The following EXOC6B variants were observed in gnomAD, a reference collection of about 807,000 sequenced individuals.
EXOC6B encodes the protein SEC15 homolog B.
Under a neutral mutation model 113.5 loss-of-function variants are expected in EXOC6B, and 54 were observed. That is an observed-to-expected ratio of 0.48 (90% CI 0.38 to 0.60). EXOC6B has a LOEUF of 0.60. Ranked by LOEUF, EXOC6B falls within the 20% of genes least tolerant of loss-of-function variation. EXOC6B has a pLI of 0.00. For missense variants in EXOC6B, 797 were observed against 977.5 expected (o/e 0.82, Z 2.46); for synonymous variants, 357 against 339.0 (o/e 1.05, Z -0.58).
At chr2:72,684,059 G>A (rs1354348887) in intron 6 of EXOC6B, among the ~76,000 whole-genome samples, 1 of 152,112 alleles carries the variant, frequency 6.6e-6, no homozygotes, top group Non-Finnish European at 1.5e-5. Flanking sequence ...AGCCTCCCAA[G>A]TAGCTGGGAT....
Position 72,671,844 on chromosome 2 carries a change from T to G in EXOC6B, c.669+46259A>C, listed in dbSNP as rs566622283. 2.8e-4 allele frequency among the ~76,000 whole-genome samples: 23 copies of G among 80,764 alleles called. 2 individuals are homozygous for G. The highest frequency in any genetic ancestry group is 7.2e-4 in the African/African-American group (14 of 19,444). 53.0% of individuals were successfully genotyped at this position (80,764 alleles called of 152,430 possible). The stretch of plus-strand genomic sequence containing the variant: ...GAAGAGAAAAGAAAGAAGGAAAGAA[T>G]GGAGGGAGGAAGAAGGAAGGAAGAA... On this transcript the variant is annotated intron_variant, in intron 6 of 21. Transcript: ENST00000272427.
intron 5 of EXOC6B, among the ~76,000 whole-genome samples, chr2:72,726,089 T>C (rs931958189): frequency 3.9e-5 from 6 of 152,184 alleles, no homozygotes; most frequent in Admixed American, 1.3e-4. Context: ...TGAATGAATT[T>C]TGAAAACCTT....
At chr2:72,271,800 C>G (rs967214262) in intron 20 of EXOC6B, among the ~76,000 whole-genome samples, 4 of 151,986 alleles carry the variant, frequency 2.6e-5, no homozygotes, top group Admixed American at 6.6e-5. Flanking sequence ...TTGCCTTGGT[C>G]CCCGAAAGCT....
intron 20 of EXOC6B, among the ~76,000 whole-genome samples, chr2:72,275,551 C>A (rs1485443108): frequency 1.3e-5 from 2 of 152,198 alleles, no homozygotes; most frequent in South Asian, 2.1e-4. Context: ...TTATGCTTCA[C>A]ATAGACATGG....
At chr2:72,260,704 C>A (rs1369939973) in intron 20 of EXOC6B, among the ~76,000 whole-genome samples, 2 of 152,074 alleles carry the variant, frequency 1.3e-5, no homozygotes, top group Non-Finnish European at 2.9e-5. Flanking sequence ...CTTGTAATAG[C>A]CGCAATTCTT....
chr2:72,515,757 T>A lies in EXOC6B; in HGVS notation c.916-631A>T, dbSNP rs890245876. On this transcript the variant is annotated intron_variant, in intron 8 of 21. Transcript: ENST00000272427. ...ATGAGCTGTGTACTGGGTTGAATAGTGGTTTCTCCAAATTCATGTCCTTCG... is the reference window on the plus strand; with the variant it reads ...ATGAGCTGTGTACTGGGTTGAATAGAGGTTTCTCCAAATTCATGTCCTTCG... 4.1e-6 allele frequency: 4 copies of A among 984,084 alleles called. No homozygotes were observed. The East Asian group carries it at 3.4e-4, about 84-fold the overall frequency. The allele number at this position is 984,084 out of a possible 1,614,324, so 61.0% of individuals were successfully genotyped here.
chr2:72,760,517 C>A (rs77997838), intron 1 of EXOC6B: 8,266 of 153,838 alleles, frequency 0.054, 748 homozygotes, highest in African/African-American at 0.19. Flanking sequence ...ATGAATGGTA[C>A]GACTAAAACG....
rs113378129 is a variant in EXOC6B, at chr2:72,176,798, G to A, written c.*2537C>T. On this transcript the variant is annotated 3_prime_UTR_variant, in exon 22 of 22. Transcript: ENST00000272427. ...TTCATCCTGACCAGAAGCCATACAG[G>A]CTTCTAGCCATCTGTGTGCTTGCCC... 6.6e-6 allele frequency: 1 copy of A among 152,128 alleles called. No homozygotes were observed. The highest frequency in any genetic ancestry group is 2.4e-5 in the African/African-American group (1 of 41,454). 9.4% of individuals were successfully genotyped at this position (152,128 alleles called of 1,614,324 possible). A position where few individuals can be genotyped will look rare whatever the true frequency, so the allele number is the denominator to read the frequency against.
intron 19 of EXOC6B, among the ~76,000 whole-genome samples, chr2:72,349,483 G>A (rs933707423): frequency 5.9e-5 from 9 of 152,124 alleles, no homozygotes; most frequent in Non-Finnish European, 1.2e-4. Context: ...GAGAAGTACT[G>A]GAGATTGAGC....
chr2:72,496,520 T>C lies in EXOC6B; in HGVS notation c.1377A>G (p.Val459=). The C allele has an allele frequency of 6.2e-7, 1 of 1,600,048 alleles. No individual in the cohort carries two copies. The change falls in exon 14 of 22, where the codon GTA becomes GTG. Residue 459 remains valine, a synonymous_variant. Transcript: ENST00000272427. ...CCTTTTTGTACATCTCTTCACTTGT[T>C]ACTGGTATAGGACTGTAGTTGTCAG... ...LDSDNYSPIP[V]TSEEMYKKVV... is the part of the protein sequence containing the mutation.
chr2:72,669,845 T>A (rs1373380653), intron 6 of EXOC6B, among the ~76,000 whole-genome samples: 1 of 152,200 alleles, frequency 6.6e-6, no homozygotes, highest in Admixed American at 6.5e-5. Flanking sequence ...ATATCCCACA[T>A]CACTCTCAAC....
chr2:72,760,834 A>G (rs1165454167), intron 1 of EXOC6B, among the ~76,000 whole-genome samples: 1 of 152,214 alleles, frequency 6.6e-6, no homozygotes, highest in Non-Finnish European at 1.5e-5. Flanking sequence ...AATACAAGGA[A>G]TTAAAAAATT....
rs1699385819 is a variant in EXOC6B at position 72,485,643 on chromosome 2, A to G, written c.1666-4893T>C. On this transcript the variant is annotated intron_variant, in intron 16 of 21. Coordinates refer to ENST00000272427, the MANE Select transcript of EXOC6B (RefSeq NM_015189.3). ...GGTTACGAATTCCAAGATAAAGTAC[A>G]AAGTTTATATTTGACTAGACTTAAG... Among the ~76,000 whole-genome samples, 5 of 152,272 alleles carry G rather than the reference A, an allele frequency of 3.3e-5. No individual in the cohort carries two copies. In the South Asian group the frequency reaches 6.2e-4, roughly 19 times the overall value.
chr2:72,499,950 A>C lies in EXOC6B; in HGVS notation c.1190T>G (p.Leu397Arg). Residue 397 changes from leucine to arginine, a missense_variant, in exon 12 of 22, where the codon CTT becomes CGT. By Grantham distance (102) the Leu-to-Arg change is moderately radical. Transcript: ENST00000272427. ...THSSYCSDPNLVLDLKNLIVL... is the reference protein window; with the variant it reads ...THSSYCSDPNRVLDLKNLIVL... Reference sequence around the variant, plus strand: ...AATGAGGTTCTTCAAATCTAACACAAGGTTTGGATCAGAACAGTAAGACTA... The same window carrying C: ...AATGAGGTTCTTCAAATCTAACACACGGTTTGGATCAGAACAGTAAGACTA... The C allele has an allele frequency of 1.9e-6, 3 of 1,552,528 alleles. No individual in the cohort carries two copies. The highest frequency in any genetic ancestry group is 2.6e-6 in the Non-Finnish European group (3 of 1,146,894).
At chr2:72,432,547 G>A (rs1049707706) in intron 18 of EXOC6B, among the ~76,000 whole-genome samples, 5 of 152,164 alleles carry the variant, frequency 3.3e-5, no homozygotes, top group African/African-American at 1.2e-4. Context: ...CACCAGGAGT[G>A]TAAAAGCATT....
At chr2:72,631,493 G>T (rs1447125967) in intron 6 of EXOC6B, among the ~76,000 whole-genome samples, 32 of 123,756 alleles carry the variant, frequency 2.6e-4, no homozygotes, top group African/African-American at 9.0e-4. Flanking sequence ...GAGAGAGAGA[G>T]AGAGAGAGAG....
intron 16 of EXOC6B, among the ~76,000 whole-genome samples, chr2:72,489,872 C>A (rs948377708): frequency 1.3e-5 from 2 of 151,928 alleles, no homozygotes; most frequent in Non-Finnish European, 2.9e-5. Flanking sequence ...ACAAAGAAGC[C>A]ATGAGGAAAA....
chr2:72,695,076 G>A (rs1677774924), intron 6 of EXOC6B, among the ~76,000 whole-genome samples: 1 of 152,214 alleles, frequency 6.6e-6, no homozygotes, highest in Non-Finnish European at 1.5e-5. Flanking sequence ...CAGGCACACT[G>A]CCAACCAGGG....
chr2:72,821,037 G>T (rs1388068956), intron 1 of EXOC6B, among the ~76,000 whole-genome samples: 3 of 151,956 alleles, frequency 2.0e-5, no homozygotes, highest in Admixed American at 2.0e-4. Flanking sequence ...CTAAGAACAT[G>T]AAAGATATCA....
Sources: allele counts gnomAD v4.1 joint callset (sites outside exome capture counted in the v4.1 genomes callset), GRCh38; gene constraint gnomAD v4.1.1; transcripts MANE v1.5; gene names NCBI Gene and HGNC (gene_info 2026-07-23, HGNC 2026-07-21).